Variants in CSMD3 observed in about 807,000 individuals in gnomAD.
The protein encoded by CSMD3 is CUB and sushi domain-containing protein 3.
A neutral mutation model predicts 435.2 loss-of-function variants in CSMD3; 177 were observed. The ratio of observed to expected loss-of-function variants is 0.41; its 90% confidence interval spans 0.36 to 0.46. CSMD3 has a LOEUF of 0.46. Among genes scored for constraint, CSMD3 ranks in the 20% least tolerant of loss-of-function variants. The pLI is 0.34. For synonymous variants in CSMD3, 1,656 were observed against 1,520.5 expected (o/e 1.09, Z -2.07); for missense variants, 4,265 against 4,504.6 (o/e 0.95, Z 1.52).
chr8:112,415,953 G>T (rs1437665201), intron 32 of CSMD3, among the ~76,000 whole-genome samples: 1 of 152,116 alleles, frequency 6.6e-6, no homozygotes. Context: ...TGCTTTTACA[G>T]GCTTATAGGT....
chr8:113,163,295 C>T (rs2092080590), intron 4 of CSMD3, among the ~76,000 whole-genome samples: 1 of 151,840 alleles, frequency 6.6e-6, no homozygotes, highest in Non-Finnish European at 1.5e-5. Context: ...TTGTCAATGA[C>T]CTCATCTCCG....
At chr8:113,187,374 T>C (rs371316985) in intron 3 of CSMD3, among the ~76,000 whole-genome samples, 1 of 151,620 alleles carries the variant, frequency 6.6e-6, no homozygotes, top group African/African-American at 2.4e-5. Flanking sequence ...CTCAGAACAG[T>C]GAAAAGAGAC....
At chr8:112,518,545 T>G (rs1823922471) in intron 27 of CSMD3, among the ~76,000 whole-genome samples, 1 of 151,782 alleles carries the variant, frequency 6.6e-6, no homozygotes. Context: ...TGGAGCATCA[T>G]GCATCAAAGA....
intron 3 of CSMD3, among the ~76,000 whole-genome samples, chr8:113,198,643 T>A (rs930804336): frequency 2.6e-5 from 4 of 151,200 alleles, no homozygotes; most frequent in African/African-American, 9.7e-5. Flanking sequence ...AGTATTAAAA[T>A]TTTTTTTGGA....
chr8:112,636,466 T>A lies in CSMD3; in HGVS notation c.3715+351A>T, dbSNP rs979706009. 2.9e-5 allele frequency among the ~76,000 whole-genome samples: 4 copies of A among 136,904 alleles called. No individual in the cohort carries two copies. The Admixed American group carries it at 2.9e-4, about 10-fold the overall frequency. 89.8% of individuals were successfully genotyped at this position (136,904 alleles called of 152,430 possible). A position where few individuals can be genotyped will look rare whatever the true frequency, so the allele number is the denominator to read the frequency against. On this transcript the variant is annotated intron_variant, in intron 22 of 70. Coordinates refer to ENST00000297405, the MANE Select transcript of CSMD3 (RefSeq NM_198123.2). ...TTTTCTGTGAGCTCTCAAAATATGA[T>A]TCTATTTCTATCTGTCTATCTGTCT... is the stretch of plus-strand genomic sequence containing the variant.
chr8:112,342,971 T>TTTTATATATATATATTTATATA lies in CSMD3; in HGVS notation c.6443-1286_6443-1285insTATATAAATATATATATATAAA, dbSNP rs1554647494. ...ATGTTTCTTTACCTCTTGAAATGTA[T>TTTTATATATATATATTTATATA]TATATATATATATATTTATATATAT... On this transcript the variant is annotated intron_variant, in intron 41 of 70. Transcript: ENST00000297405. 4.3e-5 allele frequency among the ~76,000 whole-genome samples: 4 copies of TTTTATATATATATATTTATATA among 92,408 alleles called. No individual in the cohort carries two copies. In the East Asian group the frequency reaches 1.1e-3, roughly 25 times the overall value. 60.6% of individuals were successfully genotyped at this position (92,408 alleles called of 152,430 possible). A position where few individuals can be genotyped will look rare whatever the true frequency, so the allele number is the denominator to read the frequency against.
intron 12 of CSMD3, among the ~76,000 whole-genome samples, chr8:112,807,336 G>A (rs1226486945): frequency 3.9e-5 from 6 of 152,142 alleles, no homozygotes; most frequent in African/African-American, 7.2e-5. Context: ...ATATTTACTG[G>A]TGGACATGTA....
chr8:113,335,972 T>C (rs1407449915), intron 1 of CSMD3, among the ~76,000 whole-genome samples: 1 of 152,070 alleles, frequency 6.6e-6, no homozygotes, highest in Non-Finnish European at 1.5e-5. Flanking sequence ...CTTGCCAAAT[T>C]TAGAAAATTT....
intron 7 of CSMD3, among the ~76,000 whole-genome samples, chr8:112,966,973 A>G (rs2084441799): frequency 6.6e-6 from 1 of 151,938 alleles, no homozygotes; most frequent in Non-Finnish European, 1.5e-5. Flanking sequence ...ACTGTGTGAT[A>G]AATGTTGTTC....
chr8:113,397,795 A>G (rs1052284357), intron 1 of CSMD3, among the ~76,000 whole-genome samples: 1 of 151,356 alleles, frequency 6.6e-6, no homozygotes, highest in African/African-American at 2.4e-5. Flanking sequence ...TCCAGCCTGG[A>G]CGCGAAGGAG....
intron 13 of CSMD3, among the ~76,000 whole-genome samples, chr8:112,698,702 G>A (rs145810948): frequency 6.6e-6 from 1 of 152,074 alleles, no homozygotes; most frequent in African/African-American, 2.4e-5. Context: ...ACAACACATT[G>A]AATAAAATTT....
intron 10 of CSMD3, among the ~76,000 whole-genome samples, chr8:112,917,877 G>A (rs1176451306): frequency 2.0e-5 from 3 of 151,868 alleles, no homozygotes; most frequent in Non-Finnish European, 4.4e-5. Flanking sequence ...AATTCACATT[G>A]TGATTGCCCA....
intron 3 of CSMD3, among the ~76,000 whole-genome samples, chr8:113,199,902 C>T (rs1477357313): frequency 6.6e-6 from 1 of 151,872 alleles, no homozygotes; most frequent in Admixed American, 6.6e-5. Context: ...TGGAGCTGCT[C>T]TTCCAGGTGC....
chr8:112,511,789 T>G (rs1163936132), intron 28 of CSMD3, among the ~76,000 whole-genome samples: 1 of 152,160 alleles, frequency 6.6e-6, no homozygotes, highest in Non-Finnish European at 1.5e-5. Context: ...ACAGTAGAAC[T>G]TCTTGGAGAC....
intron 63 of CSMD3, among the ~76,000 whole-genome samples, chr8:112,252,382 A>G (rs1212015768): frequency 1.3e-5 from 2 of 151,910 alleles, no homozygotes; most frequent in Non-Finnish European, 2.9e-5. Flanking sequence ...AAAGTAGTAT[A>G]AAAAACTGAG....
rs990276480 is a variant in CSMD3 at position 113,301,150 on chromosome 8, G to A, written c.401+13421C>T. On this transcript the variant is annotated intron_variant, in intron 2 of 70. Transcript: ENST00000297405. ...CACAACATGGAGGTGCTTGTTACTG[G>A]TAGGGTGAAGTCAGAGCAAGGAGAG... 6.6e-5 allele frequency among the ~76,000 whole-genome samples: 10 copies of A among 151,994 alleles called. 1 individual carries two copies. Among genetic ancestry groups the A allele is most frequent in the Non-Finnish European group, 1.5e-4 (10 of 68,000 alleles).
At chr8:113,039,951 A>G (rs1250632158) in intron 5 of CSMD3, among the ~76,000 whole-genome samples, 1 of 152,218 alleles carries the variant, frequency 6.6e-6, no homozygotes, top group Non-Finnish European at 1.5e-5. Context: ...AACAACAGAC[A>G]AAGATATCAT....
intron 35 of CSMD3, among the ~76,000 whole-genome samples, chr8:112,392,660 G>A (rs1245300063): frequency 2.7e-5 from 4 of 150,524 alleles, no homozygotes; most frequent in Admixed American, 6.6e-5. Flanking sequence ...TTCCTCATAC[G>A]TACTTTTTTT....
At chr8:113,362,485 A>G (rs2094283834) in intron 1 of CSMD3, among the ~76,000 whole-genome samples, 1 of 152,208 alleles carries the variant, frequency 6.6e-6, no homozygotes, top group African/African-American at 2.4e-5. Flanking sequence ...TTTCTCCTTA[A>G]CTAGAAAGTC....
Sources: allele counts gnomAD v4.1 joint callset (sites outside exome capture counted in the v4.1 genomes callset), GRCh38; gene constraint gnomAD v4.1.1; transcripts MANE v1.5; gene names NCBI Gene and HGNC (gene_info 2026-07-23, HGNC 2026-07-21).